Variants in ITFG1 observed in about 807,000 individuals in gnomAD.
ITFG1 encodes the protein integrin alpha FG-GAP repeat containing 1, also known as T-cell immunomodulatory protein.
Under a neutral mutation model 81.8 loss-of-function variants are expected in ITFG1, and 34 were observed. The observed-to-expected ratio is 0.42, with a 90% CI of 0.32 to 0.55. The LOEUF is 0.55. Among genes scored for constraint, ITFG1 ranks in the 20% least tolerant of loss-of-function variants. The pLI is 0.17. For synonymous variants in ITFG1, 285 were observed against 270.6 expected (o/e 1.05, Z -0.52); for missense variants, 672 against 755.4 (o/e 0.89, Z 1.29).
intron 14 of ITFG1, among the ~76,000 whole-genome samples, chr16:47,207,368 GCC>G (rs1965513099): frequency 6.6e-6 from 1 of 152,224 alleles, no homozygotes; most frequent in Non-Finnish European, 1.5e-5. Flanking sequence ...ACAGGCGTGA[GCC>G]ACCGCGCCCG....
intron 5 of ITFG1, among the ~76,000 whole-genome samples, chr16:47,444,028 A>G (rs1421367527): frequency 6.6e-6 from 1 of 152,228 alleles, no homozygotes; most frequent in Non-Finnish European, 1.5e-5. Flanking sequence ...CTTCCTATAA[A>G]AGCTGTTTCC....
intron 10 of ITFG1, among the ~76,000 whole-genome samples, chr16:47,291,230 A>G (rs1966901617): frequency 6.6e-6 from 1 of 152,190 alleles, no homozygotes. Context: ...AGCACTTTGA[A>G]TACATCATCC....
intron 14 of ITFG1, among the ~76,000 whole-genome samples, chr16:47,179,348 T>C (rs1354290476): frequency 3.3e-5 from 5 of 152,094 alleles, no homozygotes; most frequent in South Asian, 2.1e-4. Context: ...CAATGATAGA[T>C]TGGATTAAGA....
At chr16:47,359,671 C>T (rs1311582250) in intron 8 of ITFG1, among the ~76,000 whole-genome samples, 2 of 152,216 alleles carry the variant, frequency 1.3e-5, no homozygotes, top group Non-Finnish European at 2.9e-5. Flanking sequence ...TGGCCAAGTG[C>T]CAGCCTTCTT....
rs1227897431 is a variant in ITFG1, at chr16:47,331,999, CTTGTCT to C, written c.803-18182_803-18177del. Among the ~76,000 whole-genome samples, 3 of 152,004 alleles carry C rather than the reference CTTGTCT, an allele frequency of 2.0e-5. No homozygotes were observed. In the East Asian group the frequency reaches 5.8e-4, roughly 29 times the overall value. On this transcript the variant is annotated intron_variant, in intron 8 of 17. Transcript: ENST00000320640. Reference sequence around the variant, plus strand: ...ACATCAAATTCTTAGGTCAAAGCACCTTGTCTTTAAGAAGCTCATTTTGTTCTTTCA... The same window carrying C: ...ACATCAAATTCTTAGGTCAAAGCACCTTAAGAAGCTCATTTTGTTCTTTCA...
intron 7 of ITFG1, among the ~76,000 whole-genome samples, chr16:47,370,545 A>G (rs918244293): frequency 6.6e-6 from 1 of 152,140 alleles, no homozygotes; most frequent in Non-Finnish European, 1.5e-5. Flanking sequence ...AGGGCCCTGC[A>G]GTTGCTGGTG....
chr16:47,266,886 A>T (rs930498806), intron 10 of ITFG1, among the ~76,000 whole-genome samples: 1 of 152,252 alleles, frequency 6.6e-6, no homozygotes, highest in Non-Finnish European at 1.5e-5. Flanking sequence ...GGAATCTATT[A>T]TACAAAGACA....
intron 5 of ITFG1, among the ~76,000 whole-genome samples, chr16:47,436,717 A>G (rs1203604749): frequency 1.3e-5 from 2 of 152,142 alleles, no homozygotes; most frequent in Non-Finnish European, 2.9e-5. Flanking sequence ...TAAAAAAATC[A>G]CAGTTACTTA....
At chr16:47,168,745 A>T (rs1026433931) in intron 14 of ITFG1, among the ~76,000 whole-genome samples, 6 of 152,092 alleles carry the variant, frequency 3.9e-5, no homozygotes, top group African/African-American at 1.4e-4. Flanking sequence ...ATCTATTTTT[A>T]AATTTTGTTA....
chr16:47,310,089 C>G (rs1350498640), intron 10 of ITFG1, among the ~76,000 whole-genome samples: 1 of 152,180 alleles, frequency 6.6e-6, no homozygotes, highest in Non-Finnish European at 1.5e-5. Context: ...ACAGAGCACC[C>G]TGATCATGTC....
chr16:47,333,532 TAAGAA>T (rs1185833737), intron 8 of ITFG1, among the ~76,000 whole-genome samples: 1 of 152,172 alleles, frequency 6.6e-6, no homozygotes, highest in Non-Finnish European at 1.5e-5. Flanking sequence ...AGTTTAGAAA[TAAGAA>T]AAGCAAACAT....
Position 47,205,828 on chromosome 16 carries a change from TTATCTATCTATCTATCTATCTATCTATC to T in ITFG1, c.1453+13012_1453+13039del, listed in dbSNP as rs58886060. ...GTCAATTTCCCCAGCTGGAATTAAA[TTATCTATCTATCTATCTATCTATCTATC>T]TATCTATCTATCTATCTATCTATCT... On this transcript the variant is annotated intron_variant, in intron 14 of 17. Transcript: ENST00000320640. 2.8e-3 allele frequency among the ~76,000 whole-genome samples: 396 copies of T among 143,074 alleles called. 3 individuals are homozygous for T. The highest frequency in any genetic ancestry group is 3.5e-3 in the Middle Eastern group (1 of 288). 93.9% of individuals were successfully genotyped at this position (143,074 alleles called of 152,430 possible). A position where few individuals can be genotyped will look rare whatever the true frequency, so the allele number is the denominator to read the frequency against.
At chr16:47,401,617 TG>T (rs1968662732) in intron 6 of ITFG1, among the ~76,000 whole-genome samples, 1 of 152,190 alleles carries the variant, frequency 6.6e-6, no homozygotes, top group African/African-American at 2.4e-5. Flanking sequence ...GGTGTGTCCA[TG>T]GGACTGGGTG....
intron 6 of ITFG1, among the ~76,000 whole-genome samples, chr16:47,391,659 G>A (rs967124800): frequency 2.0e-5 from 3 of 152,166 alleles, no homozygotes; most frequent in African/African-American, 7.2e-5. Context: ...ATGCTTATGT[G>A]ACCTATGTGA....
At chr16:47,308,882 T>G (rs1967212045) in intron 10 of ITFG1, among the ~76,000 whole-genome samples, 2 of 152,130 alleles carry the variant, frequency 1.3e-5, no homozygotes, top group Admixed American at 6.5e-5. Context: ...TGCAATGTAT[T>G]AATAACAATA....
At position 47,452,754 on chromosome 16, in the gene ITFG1, T is replaced by C. The variant is rs1343420752; in HGVS notation, c.464A>G (p.Gln155Arg). 6.3e-7 allele frequency: 1 copy of C among 1,589,460 alleles called. No individual in the cohort carries two copies. Among genetic ancestry groups the C allele is most frequent in the Non-Finnish European group, 8.6e-7 (1 of 1,164,680 alleles). The change falls in exon 4 of 18, where the codon CAA (glutamine) becomes CGA (arginine). Residue 155 changes from glutamine to arginine, a missense_variant. Coordinates refer to ENST00000320640, the MANE Select transcript of ITFG1 (RefSeq NM_030790.5). ...NNMTILNRTFQDEPLIMDFNG... is the reference protein window; with the variant it reads ...NNMTILNRTFRDEPLIMDFNG... ...TTACTCCATAATTAGTGGCTCATCTTGAAAAGTCCTATTGAGTATGGTCAT... is the reference window on the plus strand; with the variant it reads ...TTACTCCATAATTAGTGGCTCATCTCGAAAAGTCCTATTGAGTATGGTCAT...
At chr16:47,315,835 G>A (rs1351894251) in intron 8 of ITFG1, among the ~76,000 whole-genome samples, 1 of 149,442 alleles carries the variant, frequency 6.7e-6, no homozygotes, top group Admixed American at 6.6e-5. Context: ...CTGCCGCTCA[G>A]GCTGGAGTGC....
In ITFG1 at chr16:47,428,798, A is replaced by G. The variant is rs757075518; in HGVS notation, c.655+6T>C. On this transcript the variant is annotated splice_donor_region_variant and intron_variant, in intron 6 of 17. Transcript: ENST00000320640. ...CAAAACAATTCCAGATTTATGTGCA[A>G]CTCACCTGCTGTAAAATCTTCAGTC... 3 of 1,578,760 alleles carry G rather than the reference A, an allele frequency of 1.9e-6. No individual in the cohort carries two copies. The highest frequency in any genetic ancestry group is 2.6e-6 in the Non-Finnish European group (3 of 1,150,592).
chr16:47,365,799 A>G lies in ITFG1; in HGVS notation c.791T>C (p.Phe264Ser). ...TTACCAAATCTTACCAAAGTCTGCA[A>G]ATGCTGACTGTCCAACCACCATCAT... is the stretch of plus-strand genomic sequence containing the variant. ...QNMMVVGQSA[F>S]ADFDGDGHMD... The change falls in exon 8 of 18, where the codon TTT becomes TCT. Residue 264 changes from phenylalanine to serine, a missense_variant. Transcript: ENST00000320640. 6.3e-7 allele frequency: 1 copy of G among 1,595,196 alleles called. No homozygotes were observed. The highest frequency in any genetic ancestry group is 8.6e-7 in the Non-Finnish European group (1 of 1,164,728).
Sources: allele counts gnomAD v4.1 joint callset (sites outside exome capture counted in the v4.1 genomes callset), GRCh38; gene constraint gnomAD v4.1.1; transcripts MANE v1.5; gene names NCBI Gene and HGNC (gene_info 2026-07-23, HGNC 2026-07-21).